Variants in SMYD3 observed in about 807,000 individuals in gnomAD.
SMYD3 encodes the protein histone-lysine N-methyltransferase SMYD3.
SMYD3 carries 36 observed loss-of-function variants against 57.7 expected under a neutral mutation model. That is an observed-to-expected ratio of 0.62 (90% CI 0.48 to 0.82). SMYD3 has a LOEUF of 0.82. SMYD3 is among the 40% of genes least tolerant of loss of function. The pLI is 0.00. For missense variants in SMYD3, 515 were observed against 538.8 expected, an observed-to-expected ratio of 0.96 and a Z score of 0.44; for synonymous variants, 211 against 195.0, an observed-to-expected ratio of 1.08 and a Z score of -0.68.
chr1:246,266,806 AG>A lies in SMYD3; in HGVS notation c.531+60394del, dbSNP rs1287080019. On this transcript the variant is annotated intron_variant, in intron 5 of 11. Coordinates refer to ENST00000490107, the MANE Select transcript of SMYD3 (RefSeq NM_001167740.2). ...CAGAAAGAAAGAGAGAAAGAGAGAGAGAGAAGAGAAAGATAGAGAGAGAAAG... is the reference window on the plus strand; with the variant it reads ...CAGAAAGAAAGAGAGAAAGAGAGAGAAGAAGAGAAAGATAGAGAGAGAAAG... Among the ~76,000 whole-genome samples, 23 of 128,648 alleles carry A rather than the reference AG, an allele frequency of 1.8e-4. No individual in the cohort carries two copies. The Admixed American group carries it at 1.8e-3, about 10-fold the overall frequency. The allele number at this position is 128,648 out of a possible 152,430, so 84.4% of individuals were successfully genotyped here. A position where few individuals can be genotyped will look rare whatever the true frequency, so the allele number is the denominator to read the frequency against.
intron 5 of SMYD3, among the ~76,000 whole-genome samples, chr1:245,999,604 AAAAG>A (rs35490636): frequency 9.9e-5 from 15 of 151,804 alleles, no homozygotes; most frequent in Non-Finnish European, 1.8e-4. Flanking sequence ...AAAAAAGAAA[AAAAG>A]AAAGAAAGAA....
chr1:245,791,456 C>T (rs2047261956), intron 10 of SMYD3, among the ~76,000 whole-genome samples: 1 of 152,188 alleles, frequency 6.6e-6, no homozygotes. Flanking sequence ...CATGGTGACA[C>T]TGTGTCTCTG....
intron 10 of SMYD3, among the ~76,000 whole-genome samples, chr1:245,798,217 C>A (rs1437191198): frequency 1.3e-5 from 2 of 151,892 alleles, no homozygotes; most frequent in Admixed American, 6.6e-5. Context: ...GCCTGGCCTG[C>A]GCCATCACCC....
intron 10 of SMYD3, among the ~76,000 whole-genome samples, chr1:245,815,036 A>G (rs2048723588): frequency 6.6e-6 from 1 of 152,232 alleles, no homozygotes; most frequent in Admixed American, 6.5e-5. Context: ...GTGATATCAG[A>G]AAGCCAGAGC....
intron 1 of SMYD3, among the ~76,000 whole-genome samples, chr1:246,442,907 T>C (rs1328855964): frequency 1.3e-5 from 2 of 152,178 alleles, no homozygotes; most frequent in African/African-American, 4.8e-5. Context: ...CACTGTGCAC[T>C]CCACCTCAGG....
intron 2 of SMYD3, among the ~76,000 whole-genome samples, chr1:246,352,131 T>C (rs2065839144): frequency 1.5e-5 from 1 of 64,548 alleles, no homozygotes; most frequent in Non-Finnish European, 2.9e-5. Context: ...ACTAAGACTC[T>C]GTCTCAAAAA....
intron 4 of SMYD3, among the ~76,000 whole-genome samples, chr1:246,329,353 T>C (rs2065418836): frequency 6.6e-6 from 1 of 152,198 alleles, no homozygotes; most frequent in Non-Finnish European, 1.5e-5. Context: ...CCAGCACCTG[T>C]TGTTTCCTGA....
At position 245,934,514 on chromosome 1, in the gene SMYD3, A is replaced by G. The variant is rs141162133; in HGVS notation, c.532-4577T>C. ...CAATCCCTCCTTATCTGTATGGCAA[A>G]TATTTATCCATCCTTCAGGACCCAA... On this transcript the variant is annotated intron_variant, in intron 5 of 11. Transcript: ENST00000490107. Among the ~76,000 whole-genome samples, 671 of 152,226 alleles carry G rather than the reference A, an allele frequency of 4.4e-3. 6 individuals are homozygous for G. Among genetic ancestry groups the G allele is most frequent in the Middle Eastern group, 0.02 (6 of 294 alleles).
At chr1:245,910,514 T>C (rs1049282161) in intron 8 of SMYD3, among the ~76,000 whole-genome samples, 1 of 152,112 alleles carries the variant, frequency 6.6e-6, no homozygotes, top group African/African-American at 2.4e-5. Context: ...TCACGTTACC[T>C]GACTTGAAAA....
At chr1:246,168,521 T>C (rs1368535415) in intron 5 of SMYD3, among the ~76,000 whole-genome samples, 1 of 152,222 alleles carries the variant, frequency 6.6e-6, no homozygotes, top group African/African-American at 2.4e-5. Flanking sequence ...CCTTTGGCTA[T>C]ACAGACACTC....
At chr1:246,391,377 T>TGAGA (rs746811956) in intron 1 of SMYD3, among the ~76,000 whole-genome samples, 1 of 117,374 alleles carries the variant, frequency 8.5e-6, no homozygotes, top group Admixed American at 1.1e-4. Flanking sequence ...GAGACCTTAT[T>TGAGA]GAGAGAGAGA....
chr1:245,779,466 G>C (rs983000112), intron 10 of SMYD3, among the ~76,000 whole-genome samples: 2 of 152,172 alleles, frequency 1.3e-5, no homozygotes, highest in African/African-American at 4.8e-5. Context: ...CAACAGGCTA[G>C]TTCTCCATCC....
intron 5 of SMYD3, among the ~76,000 whole-genome samples, chr1:246,175,604 A>G (rs2062419260): frequency 6.6e-6 from 1 of 152,210 alleles, no homozygotes; most frequent in African/African-American, 2.4e-5. Flanking sequence ...CGAGGAAGAC[A>G]GGGCCATTCA....
intron 1 of SMYD3, among the ~76,000 whole-genome samples, chr1:246,485,915 TAAAG>T (rs1442807420): frequency 6.6e-6 from 1 of 152,216 alleles, no homozygotes; most frequent in Non-Finnish European, 1.5e-5. Flanking sequence ...AGGAATAATA[TAAAG>T]AGAGACCTCA....
At chr1:246,258,642 C>T (rs1250131680) in intron 5 of SMYD3, among the ~76,000 whole-genome samples, 3 of 152,148 alleles carry the variant, frequency 2.0e-5, no homozygotes, top group Non-Finnish European at 4.4e-5. Context: ...CTCTAGCTGC[C>T]TTTAAGATAT....
At chr1:246,216,017 C>T (rs996593559) in intron 5 of SMYD3, among the ~76,000 whole-genome samples, 5 of 152,064 alleles carry the variant, frequency 3.3e-5, no homozygotes, top group African/African-American at 7.3e-5. Context: ...AGGCCGGGCA[C>T]GGTGGCTCAC....
chr1:246,155,181 T>C (rs192301861), intron 5 of SMYD3, among the ~76,000 whole-genome samples: 175 of 152,312 alleles, frequency 1.1e-3, no homozygotes, highest in African/African-American at 3.8e-3. Flanking sequence ...GATGGAGAGA[T>C]TGAAATAAAA....
chr1:246,167,519 T>C (rs970176395), intron 5 of SMYD3, among the ~76,000 whole-genome samples: 1 of 151,348 alleles, frequency 6.6e-6, no homozygotes, highest in African/African-American at 2.4e-5. Context: ...TTTCTTTTTT[T>C]TTTTTTTTGA....
intron 10 of SMYD3, among the ~76,000 whole-genome samples, chr1:245,801,998 G>C (rs919611028): frequency 6.6e-6 from 1 of 151,696 alleles, no homozygotes; most frequent in African/African-American, 2.4e-5. Context: ...CTTAAGACTT[G>C]TTATATATAA....
Sources: allele counts gnomAD v4.1 joint callset (sites outside exome capture counted in the v4.1 genomes callset), GRCh38; gene constraint gnomAD v4.1.1; transcripts MANE v1.5; gene names NCBI Gene and HGNC (gene_info 2026-07-23, HGNC 2026-07-21).